Variants in EXD3 observed in about 807,000 individuals in gnomAD.
The protein encoded by EXD3 is exonuclease mut-7 homolog.
EXD3 carries 92 observed loss-of-function variants against 98.0 expected under a neutral mutation model. The observed-to-expected ratio is 0.94, with a 90% CI of 0.79 to 1.12. The LOEUF (loss-of-function observed/expected upper bound fraction) is 1.12. Ranked by LOEUF, EXD3 falls within the 50% of genes most tolerant of loss-of-function variation. EXD3 has a pLI of 0.00. For synonymous variants in EXD3, 569 were observed against 526.0 expected, an observed-to-expected ratio of 1.08 and a Z score of -1.12; for missense variants, 1,222 against 1,191.6, an observed-to-expected ratio of 1.03 and a Z score of -0.38.
intron 3 of EXD3, among the ~76,000 whole-genome samples, chr9:137,374,030 G>T (rs575811609): frequency 1.3e-5 from 2 of 152,368 alleles, no homozygotes; most frequent in African/African-American, 2.4e-5. Flanking sequence ...TCCCTGACCC[G>T]CAGGAGATTT....
At chr9:137,310,258 A>AT (rs905927807) in intron 19 of EXD3, among the ~76,000 whole-genome samples, 6 of 152,022 alleles carry the variant, frequency 3.9e-5, no homozygotes, top group Non-Finnish European at 5.9e-5. Context: ...TATTATTATT[A>AT]TTTTTGAGAT....
intron 17 of EXD3, among the ~76,000 whole-genome samples, chr9:137,346,440 C>G (rs963068308): frequency 6.6e-6 from 1 of 152,030 alleles, no homozygotes; most frequent in African/African-American, 2.4e-5. Context: ...AAGGAGAAAA[C>G]TGGTCCATTT....
At chr9:137,396,419 T>G (rs929994333) in intron 1 of EXD3, among the ~76,000 whole-genome samples, 1 of 152,228 alleles carries the variant, frequency 6.6e-6, no homozygotes, top group Non-Finnish European at 1.5e-5. Flanking sequence ...AAGCTCAGCA[T>G]GTGAACTCCG....
intron 1 of EXD3, among the ~76,000 whole-genome samples, chr9:137,422,235 T>C (rs1486466738): frequency 6.6e-6 from 1 of 151,884 alleles, no homozygotes; most frequent in Non-Finnish European, 1.5e-5. Flanking sequence ...CAGATTTTGA[T>C]AATCAATGCT....
In EXD3 at chr9:137,348,057, C is replaced by T. The variant is rs1274128637; in HGVS notation, c.1998+14G>A. 5.0e-6 allele frequency: 8 copies of T among 1,607,242 alleles called. No homozygotes were observed. Among genetic ancestry groups the T allele is most frequent in the African/African-American group, 1.3e-5 (1 of 74,768 alleles). ...CACCTTGGGAGGACCCCAAGACCCT[C>T]CCCGCAAACTCACCTCGGCCGCCCT... On this transcript the variant is annotated intron_variant, in intron 17 of 21. Transcript: ENST00000340951.
chr9:137,309,342 G>A (rs1831237806), intron 20 of EXD3, among the ~76,000 whole-genome samples: 1 of 152,186 alleles, frequency 6.6e-6, no homozygotes, highest in African/African-American at 2.4e-5. Context: ...CACCACTCCA[G>A]AGGGTCGCCA....
intron 19 of EXD3, among the ~76,000 whole-genome samples, chr9:137,318,320 G>A (rs1028897951): frequency 6.6e-6 from 1 of 152,064 alleles, no homozygotes; most frequent in Non-Finnish European, 1.5e-5. Flanking sequence ...CCCGGCTGCC[G>A]GCACCCCCCC....
intron 2 of EXD3, among the ~76,000 whole-genome samples, chr9:137,390,054 G>A (rs1836812882): frequency 6.8e-6 from 1 of 146,254 alleles, no homozygotes; most frequent in African/African-American, 2.5e-5. Context: ...CCTGGGAGGT[G>A]GAGGTTGCAG....
At chr9:137,311,505 G>A (rs759985098) in intron 19 of EXD3, among the ~76,000 whole-genome samples, 54 of 152,334 alleles carry the variant, frequency 3.5e-4, no homozygotes, top group South Asian at 8.3e-4. Context: ...CATGGGGTCC[G>A]GGGCCTTCCC....
At chr9:137,397,719 C>T (rs912413913) in intron 1 of EXD3, among the ~76,000 whole-genome samples, 5 of 152,014 alleles carry the variant, frequency 3.3e-5, no homozygotes, top group African/African-American at 7.3e-5. Flanking sequence ...GAGGCTGAGG[C>T]GGGAGGATCA....
At chr9:137,326,513 G>A (rs1481052535) in intron 17 of EXD3, among the ~76,000 whole-genome samples, 4 of 152,072 alleles carry the variant, frequency 2.6e-5, no homozygotes, top group African/African-American at 9.7e-5. Flanking sequence ...GTAACAAAGT[G>A]AGACCTTATC....
intron 5 of EXD3, among the ~76,000 whole-genome samples, chr9:137,368,783 C>T (rs1373511893): frequency 6.7e-6 from 1 of 149,184 alleles, no homozygotes; most frequent in Non-Finnish European, 1.5e-5. Flanking sequence ...GCTGACCCGG[C>T]GCCTCTACTG....
In EXD3 at chr9:137,393,311, C is replaced by T; in HGVS notation, c.55+1992G>A. On this transcript the variant is annotated intron_variant, in intron 2 of 21. Coordinates refer to ENST00000340951, the MANE Select transcript of EXD3 (RefSeq NM_017820.5). The surrounding 1 kb of genome is among the most constrained non-coding windows in gnomAD (Gnocchi z 4.6). ...GCTCCCCGGCCCTGACGGCGGTCTC[C>T]AGGGGAGGTAACAGGGCCTCATCCC... The T allele has an allele frequency of 1.4e-6, 1 of 695,220 alleles. No homozygotes were observed. Among genetic ancestry groups the T allele is most frequent in the Non-Finnish European group, 2.6e-6 (1 of 380,620 alleles). 43.1% of individuals were successfully genotyped at this position (695,220 alleles called of 1,614,324 possible).
At chr9:137,314,746 T>G (rs1019854129) in intron 19 of EXD3, among the ~76,000 whole-genome samples, 3 of 152,018 alleles carry the variant, frequency 2.0e-5, no homozygotes, top group Admixed American at 2.0e-4. Context: ...TCGGGCAGCG[T>G]CGGCGGCGAG....
chr9:137,326,249 T>C (rs1169466328), intron 17 of EXD3, among the ~76,000 whole-genome samples: 1 of 152,166 alleles, frequency 6.6e-6, no homozygotes, highest in Non-Finnish European at 1.5e-5. Flanking sequence ...TCTGGAGGAA[T>C]AAAACACCTC....
intron 20 of EXD3, 144 bp downstream of exon 20, chr9:137,309,463 G>T: frequency 1.5e-6 from 1 of 676,180 alleles, no homozygotes; most frequent in Non-Finnish European, 2.5e-6. Flanking sequence ...CCTGGCTGTG[G>T]TTTTTCCACC....
intron 1 of EXD3, among the ~76,000 whole-genome samples, chr9:137,396,591 G>A (rs1837228391): frequency 6.6e-6 from 1 of 152,332 alleles, no homozygotes; most frequent in East Asian, 1.9e-4. Flanking sequence ...GCTCCGCCCA[G>A]GCAGGGTAAG....
intron 1 of EXD3, among the ~76,000 whole-genome samples, chr9:137,400,465 A>G (rs147545531): frequency 2.4e-4 from 37 of 152,330 alleles, no homozygotes; most frequent in Admixed American, 2.4e-3. Context: ...ACAGGTATTC[A>G]GTACATACAG....
chr9:137,395,263 C>A lies in EXD3; in HGVS notation c.55+40G>T. ...ATGCACACCCACGCACCTCCCCCCA[C>A]AGCCCCAGGGAGACTCGGCACCATC... On this transcript the variant is annotated intron_variant, in intron 2 of 21. Coordinates refer to ENST00000340951, the MANE Select transcript of EXD3 (RefSeq NM_017820.5). The surrounding 1 kb of genome is among the most constrained non-coding windows in gnomAD (Gnocchi z 6.5). 1 of 1,590,458 alleles carries A rather than the reference C, an allele frequency of 6.3e-7. No individual in the cohort carries two copies. Among genetic ancestry groups the A allele is most frequent in the Non-Finnish European group, 8.6e-7 (1 of 1,159,072 alleles).
Sources: gnomAD v4.1 joint callset for allele counts (sites outside exome capture counted in the v4.1 genomes callset) on GRCh38, gnomAD v4.1.1 for gene constraint, Gnocchi (gnomAD v3.1) non-coding constraint, MANE v1.5 for transcripts, NCBI Gene and HGNC (gene_info 2026-07-23, HGNC 2026-07-21) for gene names.